The following ARHGAP26 variants were observed in gnomAD, a reference collection of about 807,000 sequenced individuals.
ARHGAP26 encodes the protein rho GTPase-activating protein 26.
ARHGAP26 carries 38 observed loss-of-function variants against 104.8 expected under a neutral mutation model. The ratio of observed to expected loss-of-function variants is 0.36; its 90% CI spans 0.28 to 0.48. The LOEUF is 0.48. Among genes scored for constraint, ARHGAP26 ranks in the 20% least tolerant of loss-of-function variants. The pLI, the probability that ARHGAP26 is intolerant of heterozygous loss-of-function variation, is 0.99. For missense variants in ARHGAP26, 704 were observed against 947.9 expected, an observed-to-expected ratio of 0.74 and a Z score of 3.38; for synonymous variants, 341 against 340.0, an observed-to-expected ratio of 1.00 and a Z score of -0.03.
intron 1 of ARHGAP26, among the ~76,000 whole-genome samples, chr5:142,811,149 TG>T (rs1763993664): frequency 6.6e-6 from 1 of 152,202 alleles, no homozygotes; most frequent in African/African-American, 2.4e-5. Context: ...ACCTACCTCC[TG>T]GGGTTATTGT....
At chr5:143,077,959 C>T (rs1031616877) in intron 17 of ARHGAP26, among the ~76,000 whole-genome samples, 8 of 152,306 alleles carry the variant, frequency 5.3e-5, no homozygotes, top group African/African-American at 1.9e-4. Context: ...TTGCCTCTCA[C>T]CTTTGCTGCC....
chr5:142,792,720 G>A (rs1207462700), intron 1 of ARHGAP26, among the ~76,000 whole-genome samples: 4 of 152,184 alleles, frequency 2.6e-5, no homozygotes, highest in African/African-American at 4.8e-5. Flanking sequence ...GTCCTTGGAT[G>A]TAGCTGTGGA....
intron 11 of ARHGAP26, among the ~76,000 whole-genome samples, chr5:142,979,365 C>T (rs1251997315): frequency 3.9e-5 from 6 of 152,178 alleles, no homozygotes; most frequent in Non-Finnish European, 8.8e-5. Context: ...TTTTGCTCTG[C>T]AATTGCTTTT....
intron 17 of ARHGAP26, among the ~76,000 whole-genome samples, chr5:143,060,360 T>C (rs770421573): frequency 6.6e-6 from 1 of 152,232 alleles, no homozygotes; most frequent in Non-Finnish European, 1.5e-5. Flanking sequence ...TGAAACATTT[T>C]CCAAAACTGA....
At chr5:142,994,577 G>C (rs990423594) in intron 11 of ARHGAP26, among the ~76,000 whole-genome samples, 2 of 152,186 alleles carry the variant, frequency 1.3e-5, no homozygotes, top group African/African-American at 4.8e-5. Context: ...TGAACTCCCA[G>C]ATGGGACTGT....
chr5:143,000,044 G>A (rs891297336), intron 11 of ARHGAP26, among the ~76,000 whole-genome samples: 4 of 152,176 alleles, frequency 2.6e-5, no homozygotes, highest in African/African-American at 9.7e-5. Context: ...TGCAGTTTGA[G>A]ACTATAATAA....
intron 11 of ARHGAP26, among the ~76,000 whole-genome samples, chr5:142,964,965 G>A (rs1050658640): frequency 6.6e-6 from 1 of 152,218 alleles, no homozygotes; most frequent in African/African-American, 2.4e-5. Flanking sequence ...CAAAGCAAAA[G>A]GGGCAGGGTA....
chr5:143,128,113 A>G (rs369821964), intron 18 of ARHGAP26, among the ~76,000 whole-genome samples: 8 of 152,026 alleles, frequency 5.3e-5, no homozygotes, highest in African/African-American at 7.3e-5. Context: ...CCACAGGGCT[A>G]TTTTCTTTTT....
At chr5:142,866,885 TC>T (rs1754380659) in intron 1 of ARHGAP26, 1 of 152,184 alleles carries the variant, frequency 6.6e-6, no homozygotes, top group Admixed American at 6.5e-5. Flanking sequence ...TCCAGCCAGA[TC>T]TGAAAGAATG....
chr5:143,012,567 A>ACATT (rs1779011300), intron 11 of ARHGAP26, among the ~76,000 whole-genome samples: 1 of 84,838 alleles, frequency 1.2e-5, no homozygotes, highest in Non-Finnish European at 2.9e-5. Flanking sequence ...ATATATATAT[A>ACATT]TATATATATT....
Position 143,012,548 on chromosome 5 carries a change from C to CATATATATATATAT in ARHGAP26, c.1108-1529_1108-1528insTATATATATATATA, listed in dbSNP as rs1414408846. ...CTGGAGGGATATATTTATATACATACATACATATATATATATATATATATA... is the reference window on the plus strand; with the variant it reads ...CTGGAGGGATATATTTATATACATACATATATATATATATATACATATATATATATATATATATA... On this transcript the variant is annotated intron_variant, in intron 11 of 22. Coordinates refer to ENST00000645722, the MANE Select transcript of ARHGAP26 (RefSeq NM_001135608.3). Among the ~76,000 whole-genome samples the CATATATATATATAT allele has an allele frequency of 3.3e-3, 78 of 23,300 alleles. 5 individuals carry two copies. The highest frequency in any genetic ancestry group is 5.0e-3 in the Non-Finnish European group (47 of 9,390). The allele number at this position is 23,300 out of a possible 152,430, so 15.3% of individuals were successfully genotyped here.
At chr5:143,097,558 C>T (rs71590932) in intron 17 of ARHGAP26, among the ~76,000 whole-genome samples, 5 of 151,864 alleles carry the variant, frequency 3.3e-5, no homozygotes, top group Non-Finnish European at 5.9e-5. Flanking sequence ...CGGTGGCTCA[C>T]GCCTGTAATC....
intron 17 of ARHGAP26, among the ~76,000 whole-genome samples, chr5:143,117,374 C>A (rs1278815051): frequency 2.0e-5 from 3 of 152,146 alleles, no homozygotes; most frequent in South Asian, 4.1e-4. Context: ...GACGTCTAGG[C>A]CTTTCTGTCC....
At chr5:143,200,211 G>C (rs1034468995) in intron 20 of ARHGAP26, among the ~76,000 whole-genome samples, 1 of 152,174 alleles carries the variant, frequency 6.6e-6, no homozygotes, top group Admixed American at 6.5e-5. Flanking sequence ...TGGTGAGAAG[G>C]AATTGTCAGT....
chr5:142,793,780 G>A (rs909748318), intron 1 of ARHGAP26, among the ~76,000 whole-genome samples: 1 of 152,090 alleles, frequency 6.6e-6, no homozygotes, highest in South Asian at 2.1e-4. Context: ...TAGATACGGG[G>A]TTTCTCCATG....
chr5:142,949,210 A>AGGAGG (rs1562136793), intron 11 of ARHGAP26, among the ~76,000 whole-genome samples: 1 of 63,172 alleles, frequency 1.6e-5, no homozygotes, highest in Non-Finnish European at 2.6e-5. Flanking sequence ...AGAGAGAGAG[A>AGGAGG]GAGAGAGAGA....
intron 1 of ARHGAP26, among the ~76,000 whole-genome samples, chr5:142,775,706 C>G (rs971913759): frequency 3.3e-5 from 5 of 152,254 alleles, no homozygotes; most frequent in African/African-American, 1.2e-4. Context: ...CTGTGTACTT[C>G]TTATGAGTGG....
intron 18 of ARHGAP26, among the ~76,000 whole-genome samples, chr5:143,126,859 C>T (rs1796786106): frequency 6.6e-6 from 1 of 152,114 alleles, no homozygotes; most frequent in Non-Finnish European, 1.5e-5. Context: ...GCAAAATTAC[C>T]ATTTCCGTAT....
Position 142,912,219 on chromosome 5 carries a change from C to T in ARHGAP26, c.934-980C>T, listed in dbSNP as rs980172498. Among the ~76,000 whole-genome samples, 10 of 152,122 alleles carry T rather than the reference C, an allele frequency of 6.6e-5. No homozygotes were observed. The East Asian group carries it at 1.9e-3, about 29-fold the overall frequency. ...CATTCAGTTGAACAATGGAATACTA[C>T]TCAACAATAAAGAGAAATAAGCCCT... is the stretch of plus-strand genomic sequence containing the variant. On this transcript the variant is annotated intron_variant, in intron 9 of 22. Coordinates refer to ENST00000645722, the MANE Select transcript of ARHGAP26 (RefSeq NM_001135608.3).
Sources: allele counts gnomAD v4.1 joint callset (sites outside exome capture counted in the v4.1 genomes callset), GRCh38; gene constraint gnomAD v4.1.1; transcripts MANE v1.5; gene names NCBI Gene and HGNC (gene_info 2026-07-23, HGNC 2026-07-21).